The following FMN2 variants were observed in gnomAD, a reference collection of about 807,000 sequenced individuals.
FMN2 encodes the protein formin-2.
Under a neutral mutation model 142.3 loss-of-function variants are expected in FMN2, and 51 were observed. The ratio of observed to expected loss-of-function variants is 0.36; its 90% CI spans 0.29 to 0.45. The LOEUF (loss-of-function observed/expected upper bound fraction) is 0.45, where lower values mean the gene tolerates loss of function less well. Ranked by LOEUF, FMN2 falls within the 20% of genes least tolerant of loss-of-function variation. The pLI is 1.00. For missense variants in FMN2, 1,936 were observed against 2,122.8 expected (o/e 0.91, Z 1.73); for synonymous variants, 882 against 869.8 (o/e 1.01, Z -0.25).
At chr1:240,376,697 A>G (rs892316353) in intron 14 of FMN2, among the ~76,000 whole-genome samples, 1 of 152,184 alleles carries the variant, frequency 6.6e-6, no homozygotes, top group African/African-American at 2.4e-5. Flanking sequence ...CAAATACTGC[A>G]TCATTTTATA....
intron 14 of FMN2, among the ~76,000 whole-genome samples, chr1:240,385,441 T>C (rs1673374528): frequency 6.6e-6 from 1 of 152,204 alleles, no homozygotes; most frequent in Non-Finnish European, 1.5e-5. Context: ...AAGGCATGTC[T>C]TTATTTCTAT....
At chr1:240,262,396 A>G (rs867696998) in intron 7 of FMN2, among the ~76,000 whole-genome samples, 1 of 152,268 alleles carries the variant, frequency 6.6e-6, no homozygotes, top group South Asian at 2.1e-4. Flanking sequence ...TGTTTTACTC[A>G]GCATTTTTAG....
chr1:240,164,527 A>C (rs13375762), intron 2 of FMN2, among the ~76,000 whole-genome samples: 2,290 of 152,272 alleles, frequency 0.015, 55 homozygotes, highest in African/African-American at 0.052. Context: ...CCTTTAGTGC[A>C]AGCCTGCTAG....
At chr1:240,365,306 GAC>G (rs566647497) in intron 14 of FMN2, among the ~76,000 whole-genome samples, 18 of 127,586 alleles carry the variant, frequency 1.4e-4, no homozygotes, top group African/African-American at 5.8e-4. Flanking sequence ...TATACACACA[GAC>G]ACACATATAT....
In FMN2 at chr1:240,207,297, C is replaced by A. The variant is rs1216744991; in HGVS notation, c.2485C>A (p.Pro829Thr). Residue 829 changes from proline to threonine, a missense_variant, in exon 5 of 18, where the codon CCG becomes ACG. Transcript: ENST00000319653. ...SAGQGQPGSQ[P>T]PHSISTEFQT... is the part of the protein sequence containing the mutation. ...TGGGCAAGGACAGCCTGGGTCACAG[C>A]CGCCCCATTCTATTTCTACCGAGTT... 6.2e-7 allele frequency: 1 copy of A among 1,613,822 alleles called. No individual in the cohort carries two copies. Among genetic ancestry groups the A allele is most frequent in the Non-Finnish European group, 8.5e-7 (1 of 1,179,848 alleles).
chr1:240,470,951 G>A (rs753480155), intron 16 of FMN2, among the ~76,000 whole-genome samples: 9 of 151,820 alleles, frequency 5.9e-5, no homozygotes, highest in East Asian at 1.9e-4. Flanking sequence ...ATTTTACTCC[G>A]TCTTTGCAAC....
intron 2 of FMN2, among the ~76,000 whole-genome samples, chr1:240,134,342 G>C (rs1233338662): frequency 6.6e-6 from 1 of 152,062 alleles, no homozygotes; most frequent in African/African-American, 2.4e-5. Context: ...CTTGGACTGG[G>C]TGTGGTGGCT....
chr1:240,118,709 C>A (rs1662118969), intron 1 of FMN2, among the ~76,000 whole-genome samples: 1 of 152,024 alleles, frequency 6.6e-6, no homozygotes. Context: ...TAGCTGGAGG[C>A]AAGGGGATCA....
chr1:240,283,784 G>A (rs1047946117), intron 7 of FMN2, among the ~76,000 whole-genome samples: 2 of 152,044 alleles, frequency 1.3e-5, no homozygotes, highest in East Asian at 3.9e-4. Context: ...GGAGTGTTTT[G>A]GAGATTACTT....
At chr1:240,182,312 A>G (rs996063507) in intron 3 of FMN2, among the ~76,000 whole-genome samples, 1 of 152,214 alleles carries the variant, frequency 6.6e-6, no homozygotes, top group Non-Finnish European at 1.5e-5. Flanking sequence ...GGAAAATTAA[A>G]TCCCTTCCCT....
intron 13 of FMN2, among the ~76,000 whole-genome samples, chr1:240,345,864 G>C (rs1333149338): frequency 6.6e-6 from 1 of 151,958 alleles, no homozygotes; most frequent in African/African-American, 2.4e-5. Flanking sequence ...GTGCACAGGT[G>C]ACCAGGTGAA....
At chr1:240,142,952 T>C (rs1663256143) in intron 2 of FMN2, 1 of 1,602,770 alleles carries the variant, frequency 6.2e-7, no homozygotes, top group African/African-American at 1.3e-5. Context: ...ATACATAGTG[T>C]GATTTGCCTA....
intron 7 of FMN2, among the ~76,000 whole-genome samples, chr1:240,272,408 C>T (rs945568526): frequency 9.2e-5 from 14 of 152,228 alleles, no homozygotes; most frequent in African/African-American, 3.1e-4. Context: ...TGAGAGGGGT[C>T]GGATTGGCAC....
Position 240,472,467 on chromosome 1 carries a change from A to G in FMN2, c.5142+14A>G. 1 of 1,529,842 alleles carries G rather than the reference A, an allele frequency of 6.5e-7. No individual in the cohort carries two copies. The highest frequency in any genetic ancestry group is 1.9e-5 in the Admixed American group (1 of 52,920). The allele number at this position is 1,529,842 out of a possible 1,614,324, so 94.8% of individuals were successfully genotyped here. A position where few individuals can be genotyped will look rare whatever the true frequency, so the allele number is the denominator to read the frequency against. On this transcript the variant is annotated intron_variant, in intron 17 of 17. Coordinates refer to ENST00000319653, the MANE Select transcript of FMN2 (RefSeq NM_020066.5). Reference sequence around the variant, plus strand: ...GACTCTGGAATTGTAAGTATTACTGATTTTTAACTTGTTATTTTCTTTGGC... The same window carrying G: ...GACTCTGGAATTGTAAGTATTACTGGTTTTTAACTTGTTATTTTCTTTGGC...
chr1:240,281,084 C>G (rs993157933), intron 7 of FMN2, among the ~76,000 whole-genome samples: 2 of 152,112 alleles, frequency 1.3e-5, no homozygotes, highest in African/African-American at 4.8e-5. Flanking sequence ...TTGTACAGCT[C>G]TTATAAACAA....
At chr1:240,346,557 C>G (rs1331796781) in intron 13 of FMN2, among the ~76,000 whole-genome samples, 2 of 152,112 alleles carry the variant, frequency 1.3e-5, no homozygotes, top group Admixed American at 1.3e-4. Flanking sequence ...GAGAGAGGGA[C>G]AGAGAGAAAC....
intron 13 of FMN2, among the ~76,000 whole-genome samples, chr1:240,348,223 CTTTTTTT>C (rs780364990): frequency 9.3e-5 from 13 of 139,302 alleles, no homozygotes; most frequent in Non-Finnish European, 2.0e-4. Context: ...GTTTTTTTTA[CTTTTTTT>C]TTTTTTTTGG....
intron 7 of FMN2, among the ~76,000 whole-genome samples, chr1:240,281,294 G>A (rs1479523052): frequency 6.6e-6 from 1 of 152,080 alleles, no homozygotes; most frequent in African/African-American, 2.4e-5. Context: ...TTACAGTAAA[G>A]CTCCATCATG....
chr1:240,369,715 TC>T (rs1435540013), intron 14 of FMN2, among the ~76,000 whole-genome samples: 1 of 152,228 alleles, frequency 6.6e-6, no homozygotes, highest in Non-Finnish European at 1.5e-5. Context: ...ACAACTCTAC[TC>T]GGGTCCAATT....
Sources: gnomAD v4.1 joint callset for allele counts (sites outside exome capture counted in the v4.1 genomes callset) on GRCh38, gnomAD v4.1.1 for gene constraint, MANE v1.5 for transcripts, NCBI Gene and HGNC (gene_info 2026-07-23, HGNC 2026-07-21) for gene names.